ARMC3: variants seen among roughly 807,000 people sequenced by gnomAD.
ARMC3 encodes armadillo repeat containing 3, also known as armadillo repeat-containing protein 3.
A neutral mutation model predicts 90.3 loss-of-function variants in ARMC3; 74 were observed. That is an observed-to-expected ratio of 0.82 (90% CI 0.68 to 0.99). ARMC3 has a LOEUF of 0.99. ARMC3 is among the 50% of genes least tolerant of loss of function. The probability of loss-of-function intolerance (pLI) is 0.00; values close to 1 mark genes in which losing one functional copy is unlikely to be tolerated. For missense variants in ARMC3, 958 were observed against 1,042.8 expected, an observed-to-expected ratio of 0.92 and a Z score of 1.12; for synonymous variants, 334 against 361.8, an observed-to-expected ratio of 0.92 and a Z score of 0.87.
At chr10:22,978,999 T>A (rs551875454) in intron 8 of ARMC3, among the ~76,000 whole-genome samples, 13 of 152,182 alleles carry the variant, frequency 8.5e-5, no homozygotes, top group Non-Finnish European at 1.9e-4. Flanking sequence ...AAAGCCCAAA[T>A]CAATATGCCT....
At chr10:23,033,774 GA>G (rs1377941998) in intron 18 of ARMC3, among the ~76,000 whole-genome samples, 3 of 152,162 alleles carry the variant, frequency 2.0e-5, no homozygotes, top group Admixed American at 2.0e-4. Flanking sequence ...GAAGGTGACT[GA>G]GCAAGAAGTG....
rs563774274 is a variant in ARMC3, at chr10:22,940,440, T to C, written c.49-5704T>C. Among the ~76,000 whole-genome samples the C allele has an allele frequency of 3.3e-5, 5 of 152,380 alleles. No homozygotes were observed. The South Asian group carries it at 8.3e-4, about 25-fold the overall frequency. On this transcript the variant is annotated intron_variant, in intron 2 of 18. Coordinates refer to ENST00000298032, the MANE Select transcript of ARMC3 (RefSeq NM_173081.5). ...AAGTACTATGTTGGATACAGATACA[T>C]TGCTGGCAGGAATGCCAATGGTAGA... is the stretch of plus-strand genomic sequence containing the variant.
intron 6 of ARMC3, chr10:22,961,577 A>C (rs1469788689): frequency 4.0e-6 from 1 of 252,600 alleles, no homozygotes; most frequent in Non-Finnish European, 7.5e-6. Flanking sequence ...GTGTGAGAAG[A>C]ATTTCATTAT....
At chr10:22,986,556 A>C (rs535204554) in intron 10 of ARMC3, among the ~76,000 whole-genome samples, 19 of 146,240 alleles carry the variant, frequency 1.3e-4, no homozygotes, top group African/African-American at 2.8e-4. Context: ...CATCTCAAAA[A>C]AAAAAACAAA....
At chr10:22,995,758 C>G (rs954396868) in intron 10 of ARMC3, among the ~76,000 whole-genome samples, 2 of 152,110 alleles carry the variant, frequency 1.3e-5, no homozygotes, top group African/African-American at 4.8e-5. Flanking sequence ...TCTTAGTTTT[C>G]AAGATGAAAG....
At chr10:22,929,753 G>T (rs1003688970) in intron 1 of ARMC3, among the ~76,000 whole-genome samples, 2 of 152,176 alleles carry the variant, frequency 1.3e-5, no homozygotes, top group South Asian at 4.1e-4. Context: ...GTTTTGCCAT[G>T]TTGTCCAGGC....
intron 18 of ARMC3, among the ~76,000 whole-genome samples, chr10:23,033,322 A>C (rs768704223): frequency 9.9e-5 from 15 of 152,024 alleles, no homozygotes; most frequent in Non-Finnish European, 2.1e-4. Context: ...GCCTGAGAGT[A>C]CAGAGATACT....
intron 2 of ARMC3, among the ~76,000 whole-genome samples, chr10:22,932,517 T>C (rs1171140): frequency 0.97 from 148,400 of 152,342 alleles, 72,292 homozygotes; most frequent in East Asian, 1. Context: ...GCATCATCAT[T>C]TTTATTCCAA....
chr10:23,027,501 C>T lies in ARMC3; in HGVS notation c.2046-3095C>T, dbSNP rs567889288. On this transcript the variant is annotated intron_variant, in intron 16 of 18. Coordinates refer to ENST00000298032, the MANE Select transcript of ARMC3 (RefSeq NM_173081.5). The stretch of plus-strand genomic sequence containing the variant: ...GTGTTGATCTTATATCCTGACCCTT[C>T]GATGAACTCATTTATAGTAGTTTTT... Among the ~76,000 whole-genome samples the T allele has an allele frequency of 3.3e-5, 5 of 152,230 alleles. No homozygotes were observed. In the East Asian group the frequency reaches 5.8e-4, roughly 18 times the overall value.
intron 2 of ARMC3, among the ~76,000 whole-genome samples, chr10:22,935,762 TG>T (rs2131137190): frequency 6.6e-6 from 1 of 152,368 alleles, no homozygotes; most frequent in African/African-American, 2.4e-5. Flanking sequence ...TCCAAAAGTT[TG>T]CTACTTTGAT....
intron 10 of ARMC3, among the ~76,000 whole-genome samples, chr10:22,994,329 C>T (rs1228864073): frequency 1.3e-5 from 2 of 151,908 alleles, no homozygotes; most frequent in African/African-American, 4.8e-5. Flanking sequence ...GAAGAGGCGG[C>T]GAGGGGCTGG....
Position 23,037,579 on chromosome 10 carries a change from T to G in ARMC3, c.*100T>G, listed in dbSNP as rs1839169173. The G allele has an allele frequency of 9.6e-7, 1 of 1,036,664 alleles. No homozygotes were observed. The highest frequency in any genetic ancestry group is 1.3e-6 in the Non-Finnish European group (1 of 756,642). The allele number at this position is 1,036,664 out of a possible 1,614,324, so 64.2% of individuals were successfully genotyped here. A position where few individuals can be genotyped will look rare whatever the true frequency, so the allele number is the denominator to read the frequency against. On this transcript the variant is annotated 3_prime_UTR_variant, in exon 19 of 19. Transcript: ENST00000298032. ...ATTTTATCTCTTTAAATAAAAACTT[T>G]AAATAAAAGTATTAGAAATGTTTTC... is the stretch of plus-strand genomic sequence containing the variant.
chr10:22,931,658 G>T (rs1564333963), intron 1 of ARMC3, among the ~76,000 whole-genome samples: 1 of 152,276 alleles, frequency 6.6e-6, no homozygotes, highest in East Asian at 1.9e-4. Context: ...AAAGTAACTT[G>T]GTGGGCTTAG....
intron 2 of ARMC3, among the ~76,000 whole-genome samples, chr10:22,936,467 A>T (rs553001269): frequency 3.3e-5 from 5 of 152,322 alleles, no homozygotes; most frequent in African/African-American, 1.2e-4. Flanking sequence ...TCCTTAACAG[A>T]GACATAAAAA....
chr10:22,986,114 C>A (rs557333546), intron 10 of ARMC3, among the ~76,000 whole-genome samples: 1 of 147,254 alleles, frequency 6.8e-6, no homozygotes, highest in South Asian at 2.3e-4. Flanking sequence ...CTGCACGCCC[C>A]CCCCCCGCGC....
At chr10:23,023,672 T>G (rs1238448448) in intron 16 of ARMC3, among the ~76,000 whole-genome samples, 1 of 151,964 alleles carries the variant, frequency 6.6e-6, no homozygotes, top group African/African-American at 2.4e-5. Context: ...CAAATAGAAA[T>G]TATAGAACTG....
chr10:23,016,833 C>T (rs1021166728), intron 16 of ARMC3, among the ~76,000 whole-genome samples: 5 of 152,178 alleles, frequency 3.3e-5, no homozygotes, highest in Non-Finnish European at 5.9e-5. Context: ...TTACATCAGG[C>T]AGCACGCTCT....
At chr10:22,933,199 A>G (rs1564334994) in intron 2 of ARMC3, among the ~76,000 whole-genome samples, 2 of 152,148 alleles carry the variant, frequency 1.3e-5, no homozygotes, top group African/African-American at 2.4e-5. Context: ...TTGTGATCTC[A>G]TGATGTTTCA....
At chr10:22,942,592 G>A (rs967806675) in intron 2 of ARMC3, among the ~76,000 whole-genome samples, 8 of 152,202 alleles carry the variant, frequency 5.3e-5, no homozygotes, top group South Asian at 2.1e-4. Flanking sequence ...AATACCAAGT[G>A]TTGGTGAGGA....
Sources: allele counts gnomAD v4.1 joint callset (sites outside exome capture counted in the v4.1 genomes callset), GRCh38; gene constraint gnomAD v4.1.1; transcripts MANE v1.5; gene names NCBI Gene and HGNC (gene_info 2026-07-23, HGNC 2026-07-21).